Variants in FAM117A observed in about 807,000 individuals in gnomAD.
FAM117A encodes family with sequence similarity 117 member A, also known as protein FAM117A.
Under a neutral mutation model 44.1 loss-of-function variants are expected in FAM117A, and 21 were observed. That is an observed-to-expected ratio of 0.48 (90% confidence interval 0.34 to 0.69). The LOEUF is 0.69. FAM117A is among the 30% of genes least tolerant of loss of function. The pLI is 0.01. For synonymous variants in FAM117A, 220 were observed against 238.3 expected (o/e 0.92, Z 0.71); for missense variants, 498 against 589.9 (o/e 0.84, Z 1.61).
intron 1 of FAM117A, among the ~76,000 whole-genome samples, chr17:49,781,285 A>G (rs980545312): frequency 6.6e-6 from 1 of 152,244 alleles, no homozygotes; most frequent in Admixed American, 6.5e-5. Context: ...GAAAGACTGA[A>G]GTATATCCTC....
At chr17:49,754,466 G>A (rs1029333151) in intron 1 of FAM117A, among the ~76,000 whole-genome samples, 12 of 151,842 alleles carry the variant, frequency 7.9e-5, no homozygotes, top group Admixed American at 5.2e-4. Flanking sequence ...CACCACGCCC[G>A]GCTAATTTTT....
chr17:49,748,226 A>T lies in FAM117A; in HGVS notation c.197-15506T>A, dbSNP rs183282633. On this transcript the variant is annotated intron_variant, in intron 1 of 7. Coordinates refer to ENST00000240364, the MANE Select transcript of FAM117A (RefSeq NM_030802.4). ...AAGGCTTAACCTCATGAAGCAAAAAATTGATCCAGGGAAACATTGGTACAT... is the reference window on the plus strand; with the variant it reads ...AAGGCTTAACCTCATGAAGCAAAAATTTGATCCAGGGAAACATTGGTACAT... Among the ~76,000 whole-genome samples, 4 of 152,346 alleles carry T rather than the reference A, an allele frequency of 2.6e-5. No individual in the cohort carries two copies. The East Asian group carries it at 7.7e-4, about 29-fold the overall frequency.
At chr17:49,746,211 A>G (rs2073653916) in intron 1 of FAM117A, among the ~76,000 whole-genome samples, 1 of 152,242 alleles carries the variant, frequency 6.6e-6, no homozygotes, top group Non-Finnish European at 1.5e-5. Flanking sequence ...CATTGTGGCA[A>G]AAGTTATCAA....
chr17:49,755,557 C>T (rs1056757497), intron 1 of FAM117A, among the ~76,000 whole-genome samples: 4 of 152,210 alleles, frequency 2.6e-5, no homozygotes, highest in Non-Finnish European at 2.9e-5. Context: ...GACCTGGTAA[C>T]TGCCCAAGCT....
chr17:49,783,699 A>G (rs563923784), intron 1 of FAM117A, among the ~76,000 whole-genome samples: 201 of 152,336 alleles, frequency 1.3e-3, no homozygotes, highest in Non-Finnish European at 2.4e-3. Context: ...ATATTTTAAT[A>G]GGAATTACGG....
At chr17:49,786,778 G>GAAA (rs35017139) in intron 1 of FAM117A, among the ~76,000 whole-genome samples, 1 of 117,212 alleles carries the variant, frequency 8.5e-6, no homozygotes, top group Non-Finnish European at 1.8e-5. Flanking sequence ...CCCTGTCTCA[G>GAAA]AAAAAAAAAA....
At chr17:49,760,726 C>G (rs918426061) in intron 1 of FAM117A, among the ~76,000 whole-genome samples, 1 of 152,192 alleles carries the variant, frequency 6.6e-6, no homozygotes, top group African/African-American at 2.4e-5. Flanking sequence ...ATAGGTAAGA[C>G]TGGAACCCAG....
chr17:49,739,562 C>T (rs1481822392), intron 1 of FAM117A, among the ~76,000 whole-genome samples: 6 of 152,146 alleles, frequency 3.9e-5, no homozygotes, highest in African/African-American at 1.2e-4. Flanking sequence ...ATGGGCATAC[C>T]GGAAAGATCT....
chr17:49,718,928 G>C (rs928439087), intron 5 of FAM117A, among the ~76,000 whole-genome samples: 12 of 146,380 alleles, frequency 8.2e-5, no homozygotes, highest in African/African-American at 3.1e-4. Context: ...AGTGAGCCAA[G>C]ATGGCGCCAC....
chr17:49,736,260 CT>C (rs372494710), intron 1 of FAM117A, among the ~76,000 whole-genome samples: 6,568 of 143,846 alleles, frequency 0.046, 149 homozygotes, highest in Middle Eastern at 0.083. Flanking sequence ...GGCTCTCTTT[CT>C]TTTTTTTTTT....
At chr17:49,742,729 G>A (rs2073639725) in intron 1 of FAM117A, among the ~76,000 whole-genome samples, 1 of 152,114 alleles carries the variant, frequency 6.6e-6, no homozygotes, top group Non-Finnish European at 1.5e-5. Flanking sequence ...TAAACTCAAA[G>A]GACAGGCATA....
At chr17:49,770,873 C>T (rs1471661042) in intron 1 of FAM117A, among the ~76,000 whole-genome samples, 1 of 151,848 alleles carries the variant, frequency 6.6e-6, no homozygotes, top group South Asian at 2.1e-4. Flanking sequence ...CACTGCACTC[C>T]ACCCTGGGTG....
intron 1 of FAM117A, 78 bp from the exon 2 acceptor site, chr17:49,732,798 A>G: frequency 1.4e-6 from 2 of 1,479,236 alleles, no homozygotes; most frequent in Non-Finnish European, 1.8e-6. Context: ...CTCTTCTAAG[A>G]GATGTGGCCT....
intron 5 of FAM117A, 52 bp downstream of exon 5, chr17:49,719,708 G>C: frequency 6.7e-7 from 1 of 1,489,640 alleles, no homozygotes; most frequent in Non-Finnish European, 8.9e-7. Context: ...CCCTCGCCCA[G>C]GCCAAGTGAG....
At chr17:49,717,872 C>T (rs2073512726) in intron 5 of FAM117A, 158 bp from the exon 6 acceptor site, 2 of 605,204 alleles carry the variant, frequency 3.3e-6, no homozygotes, top group South Asian at 2.5e-5. Context: ...CCCTGGCCAC[C>T]CTTCAATCTA....
At chr17:49,786,567 A>G (rs2009381) in intron 1 of FAM117A, among the ~76,000 whole-genome samples, 32,999 of 151,892 alleles carry the variant, frequency 0.22, 3,918 homozygotes, top group East Asian at 0.48. Context: ...ACCTGAGGTC[A>G]GGAGTTCAAG....
At position 49,711,297 on chromosome 17, in the gene FAM117A, T is replaced by G. The variant is rs953540118; in HGVS notation, c.1320A>C (p.Pro440=). ...TCTGGAAAAGCACAGGCTCTTCTGA[T>G]GGTGGGGTGCGCTGCCATGGCTCGA... ...LPFEPWQRTP[P]SEEPVLFQSS... Residue 440 remains proline, a synonymous_variant, in exon 8 of 8, where the codon CCA becomes CCC. Transcript: ENST00000240364. 3 of 1,609,578 alleles carry G rather than the reference T, an allele frequency of 1.9e-6. No homozygotes were observed. In the African/African-American group the frequency reaches 4.0e-5, roughly 22 times the overall value.
Position 49,763,874 on chromosome 17 carries a change from G to A in FAM117A, c.196+18C>T. 1.2e-5 allele frequency: 11 copies of A among 881,218 alleles called. No individual in the cohort carries two copies. Among genetic ancestry groups the A allele is most frequent in the Non-Finnish European group, 1.3e-5 (10 of 764,920 alleles). 54.6% of individuals were successfully genotyped at this position (881,218 alleles called of 1,614,324 possible). On this transcript the variant is annotated intron_variant, in intron 1 of 7. Transcript: ENST00000240364. ...CCCAATGGCTCCTTCCACGGCACCC[G>A]CTCCAGGCCCGGCTCACCTGCACGG...
At position 49,719,782 on chromosome 17, in the gene FAM117A, T is replaced by C. The variant is rs1256833761; in HGVS notation, c.686A>G (p.Gln229Arg). 1.3e-6 allele frequency: 2 copies of C among 1,597,376 alleles called. No homozygotes were observed. The highest frequency in any genetic ancestry group is 1.7e-6 in the Non-Finnish European group (2 of 1,173,232). The change falls in exon 5 of 8, where the codon CAG becomes CGG. Residue 229 changes from glutamine (Q) to arginine (R), a missense_variant. Gln to Arg is a conservative substitution (Grantham distance 43). This residue lies in a region of FAM117A where 224 missense variants were observed against 296.5 expected (regional missense o/e 0.76). Coordinates refer to ENST00000240364, the MANE Select transcript of FAM117A (RefSeq NM_030802.4). ...CACCCTCAGCAGCTCCTCTTCTCCCTGCTCCTTCACAAATACCTCCTCCAG... is the reference window on the plus strand; with the variant it reads ...CACCCTCAGCAGCTCCTCTTCTCCCCGCTCCTTCACAAATACCTCCTCCAG... ...QELEEVFVKE[Q>R]GEEELLRILD...
Sources: gnomAD v4.1 joint callset for allele counts (sites outside exome capture counted in the v4.1 genomes callset) on GRCh38, gnomAD v4.1.1 for gene constraint, gnomAD v4.1.1 regional missense constraint, MANE v1.5 for transcripts, NCBI Gene and HGNC (gene_info 2026-07-23, HGNC 2026-07-21) for gene names.